PRIMPOL: variants seen among roughly 807,000 people sequenced by gnomAD.
PRIMPOL encodes the protein primase and DNA directed polymerase.
A neutral mutation model predicts 63.6 loss-of-function variants in PRIMPOL; 54 were observed. The observed-to-expected ratio is 0.85, with a 90% CI of 0.68 to 1.07. PRIMPOL has a LOEUF of 1.07. PRIMPOL is among the 50% of genes least tolerant of loss of function. PRIMPOL has a pLI of 0.00. For missense variants in PRIMPOL, 610 were observed against 648.3 expected (o/e 0.94, Z 0.64); for synonymous variants, 197 against 220.2 (o/e 0.89, Z 0.93).
chr4:184,663,813 A>G (rs1749063399), intron 5 of PRIMPOL, among the ~76,000 whole-genome samples: 2 of 152,050 alleles, frequency 1.3e-5, no homozygotes, highest in Non-Finnish European at 2.9e-5. Context: ...TTACATTGAA[A>G]TTAATTTCAT....
chr4:184,673,288 C>T (rs985804995), intron 7 of PRIMPOL, among the ~76,000 whole-genome samples: 1 of 151,722 alleles, frequency 6.6e-6, no homozygotes, highest in Non-Finnish European at 1.5e-5. Flanking sequence ...CGCCACCGCT[C>T]CCGGCTAATT....
rs771181730 is a variant in PRIMPOL at position 184,691,951 on chromosome 4, C to G, written c.1425+239C>G. On this transcript the variant is annotated intron_variant, in intron 13 of 13. Coordinates refer to ENST00000314970, the MANE Select transcript of PRIMPOL (RefSeq NM_152683.4). ...GGTGTACAGTTTAATCAGTCCCAGA[C>G]ATTTAAGAAGTTTCCCATATTTTGC... is the stretch of plus-strand genomic sequence containing the variant. Among the ~76,000 whole-genome samples, 115 of 148,418 alleles carry G rather than the reference C, an allele frequency of 7.7e-4. 2 individuals carry two copies. Among genetic ancestry groups the G allele is most frequent in the South Asian group, 1.7e-3 (8 of 4,738 alleles).
At chr4:184,657,466 A>G (rs775736574) in intron 3 of PRIMPOL, 146 bp downstream of exon 3, 27 of 614,164 alleles carry the variant, frequency 4.4e-5, no homozygotes, top group Non-Finnish European at 7.2e-5. Context: ...AGAAAATTTA[A>G]TGGCAATCTT....
chr4:184,666,744 C>T (rs1327962937), intron 6 of PRIMPOL, among the ~76,000 whole-genome samples: 3 of 152,192 alleles, frequency 2.0e-5, no homozygotes, highest in Non-Finnish European at 4.4e-5. Context: ...TGCTTTGGGG[C>T]TTCGGTCCCA....
chr4:184,674,567 A>G (rs1232900210), intron 7 of PRIMPOL, among the ~76,000 whole-genome samples: 1 of 152,184 alleles, frequency 6.6e-6, no homozygotes, highest in Non-Finnish European at 1.5e-5. Context: ...TAGGGGAACC[A>G]ACTTCTCTAT....
intron 13 of PRIMPOL, 161 bp from the exon 14 acceptor site, chr4:184,694,361 C>T: frequency 2.8e-6 from 4 of 1,406,220 alleles, no homozygotes; most frequent in African/African-American, 1.4e-5. Flanking sequence ...TCAGTGCACT[C>T]ATTCCCACGG....
chr4:184,691,064 ACTT>A (rs781253161), intron 11 of PRIMPOL, among the ~76,000 whole-genome samples: 2 of 152,204 alleles, frequency 1.3e-5, no homozygotes, highest in Non-Finnish European at 1.5e-5. Flanking sequence ...ATTAGATCAA[ACTT>A]CTTAATTGCT....
chr4:184,672,024 G>A (rs1296422275), intron 6 of PRIMPOL, 149 bp from the exon 7 acceptor site: 9 of 728,964 alleles, frequency 1.2e-5, no homozygotes, highest in Admixed American at 2.4e-5. Flanking sequence ...ACAGGCGTGA[G>A]CCACTGTGCC....
intron 4 of PRIMPOL, among the ~76,000 whole-genome samples, chr4:184,661,475 G>T (rs1748286385): frequency 6.6e-6 from 1 of 152,208 alleles, no homozygotes; most frequent in South Asian, 2.1e-4. Flanking sequence ...GGGAGGCTGA[G>T]GCAGGTGGAT....
intron 11 of PRIMPOL, among the ~76,000 whole-genome samples, chr4:184,690,238 A>C (rs980148470): frequency 3.9e-5 from 6 of 152,120 alleles, no homozygotes; most frequent in African/African-American, 7.2e-5. Context: ...GTTTATTTTT[A>C]TGTAGTACTT....
chr4:184,668,317 T>A (rs557329903), intron 6 of PRIMPOL, among the ~76,000 whole-genome samples: 1 of 152,404 alleles, frequency 6.6e-6, no homozygotes, highest in East Asian at 1.9e-4. Context: ...GACACGTTGG[T>A]ATCATCCTTG....
At chr4:184,683,422 CAAA>C (rs56794700) in intron 9 of PRIMPOL, among the ~76,000 whole-genome samples, 9 of 122,788 alleles carry the variant, frequency 7.3e-5, no homozygotes, top group Non-Finnish European at 8.7e-5. Flanking sequence ...GACTCCATCT[CAAA>C]AAAAAAAAAA....
chr4:184,683,715 T>C (rs1371452790), intron 9 of PRIMPOL, among the ~76,000 whole-genome samples: 3 of 151,622 alleles, frequency 2.0e-5, no homozygotes, highest in Admixed American at 6.5e-5. Context: ...CTGAAGAACA[T>C]AGAGTGTTTT....
intron 2 of PRIMPOL, among the ~76,000 whole-genome samples, chr4:184,655,152 G>C (rs1244464487): frequency 6.6e-6 from 1 of 151,970 alleles, no homozygotes; most frequent in African/African-American, 2.4e-5. Context: ...TGGGATTACA[G>C]GTGCCCGCCA....
Position 184,678,353 on chromosome 4 carries a change from C to G in PRIMPOL, c.966C>G (p.Asp322Glu), listed in dbSNP as rs199694440. 1 of 1,607,022 alleles carries G rather than the reference C, an allele frequency of 6.2e-7. No homozygotes were observed. Among genetic ancestry groups the G allele is most frequent in the South Asian group, 1.1e-5 (1 of 89,338 alleles). Residue 322 changes from aspartate to glutamate, a missense_variant, in exon 8 of 14, where the codon GAC (aspartate) becomes GAG (glutamate). Around this residue, in one of 3 missense-constraint regions of PRIMPOL, gnomAD observed 444 missense variants for 456.4 expected, o/e 0.97. Coordinates refer to ENST00000314970, the MANE Select transcript of PRIMPOL (RefSeq NM_152683.4). ...CTATACAGTCAAAAGATGTTTCTGA[C>G]GAATATCAATATTTTCTCTCTTCTT... is the stretch of plus-strand genomic sequence containing the variant. ...FFPIQSKDVS[D>E]EYQYFLSSLV...
chr4:184,694,139 CTTTAAAA>C (rs1759861585), intron 13 of PRIMPOL: 6 of 799,184 alleles, frequency 7.5e-6, no homozygotes, highest in Non-Finnish European at 9.1e-6. Context: ...TTGCTAAATA[CTTTAAAA>C]TTTAAAGCAT....
chr4:184,652,430 G>A (rs1744830142), intron 2 of PRIMPOL, among the ~76,000 whole-genome samples: 1 of 151,766 alleles, frequency 6.6e-6, no homozygotes, highest in Non-Finnish European at 1.5e-5. Flanking sequence ...ACAATATATC[G>A]CTGTGTGTTT....
At position 184,672,030 on chromosome 4, in the gene PRIMPOL, G is replaced by A. The variant is rs561990487; in HGVS notation, c.557-143G>A. 4.0e-5 allele frequency: 31 copies of A among 771,252 alleles called. No homozygotes were observed. The Middle Eastern group carries it at 1.6e-3, about 39-fold the overall frequency. The allele number at this position is 771,252 out of a possible 1,614,324, so 47.8% of individuals were successfully genotyped here. A position where few individuals can be genotyped will look rare whatever the true frequency, so the allele number is the denominator to read the frequency against. Reference sequence around the variant, plus strand: ...GCTGGGATTACAGGCGTGAGCCACTGTGCCCGGCAGCAACCCAGTTTTGAA... The same window carrying A: ...GCTGGGATTACAGGCGTGAGCCACTATGCCCGGCAGCAACCCAGTTTTGAA... On this transcript the variant is annotated intron_variant, in intron 6 of 13. Transcript: ENST00000314970.
chr4:184,657,165 C>G lies in PRIMPOL; in HGVS notation c.25C>G (p.Leu9Val). 1 of 1,609,452 alleles carries G rather than the reference C, an allele frequency of 6.2e-7. No individual in the cohort carries two copies. Among genetic ancestry groups the G allele is most frequent in the Non-Finnish European group, 8.5e-7 (1 of 1,178,240 alleles). Residue 9 changes from leucine to valine, a missense_variant, in exon 3 of 14, where the codon CTG becomes GTG. Physicochemically the swap from Leu to Val is conservative, Grantham distance 32 (BLOSUM62 1). Coordinates refer to ENST00000314970, the MANE Select transcript of PRIMPOL (RefSeq NM_152683.4). Reference sequence around the variant, plus strand: ...AATGAATAGAAAATGGGAAGCAAAACTGAAGCAAATTGAAGAACGAGCATC... The same window carrying G: ...AATGAATAGAAAATGGGAAGCAAAAGTGAAGCAAATTGAAGAACGAGCATC... MNRKWEAK[L>V]KQIEERASHY... is the part of the protein sequence containing the mutation.
Sources: gnomAD v4.1 joint callset for allele counts (sites outside exome capture counted in the v4.1 genomes callset) on GRCh38, gnomAD v4.1.1 for gene constraint, gnomAD v4.1.1 regional missense constraint, MANE v1.5 for transcripts, NCBI Gene and HGNC (gene_info 2026-07-23, HGNC 2026-07-21) for gene names.